The following MSRA variants were observed in gnomAD, a reference collection of about 807,000 sequenced individuals.
MSRA encodes mitochondrial peptide methionine sulfoxide reductase.
In MSRA, 54 loss-of-function variants were observed where a neutral mutation model predicts 31.3. The ratio of observed to expected loss-of-function variants is 1.73; its 90% CI spans 1.39 to 2.17. The LOEUF is 2.17. Among genes scored for constraint, MSRA ranks in the 30% most tolerant of loss-of-function variants. The pLI is 0.00. For missense variants in MSRA, 507 were observed against 300.9 expected, an observed-to-expected ratio of 1.69 and a Z score of -5.07; for synonymous variants, 169 against 116.5, an observed-to-expected ratio of 1.45 and a Z score of -2.90.
intron 2 of MSRA, among the ~76,000 whole-genome samples, chr8:10,224,882 G>A (rs576076155): frequency 1.3e-5 from 2 of 152,250 alleles, no homozygotes; most frequent in South Asian, 2.1e-4. Flanking sequence ...CGGGCGCAGT[G>A]GGCTCACACC....
chr8:10,185,845 C>G (rs11787363), intron 1 of MSRA, among the ~76,000 whole-genome samples: 1 of 151,916 alleles, frequency 6.6e-6, no homozygotes, highest in Non-Finnish European at 1.5e-5. Flanking sequence ...GTGTGAATCA[C>G]CCCTTATGAT....
Position 10,207,851 on chromosome 8 carries a change from G to A in MSRA, c.161G>A (p.Gly54Asp), listed in dbSNP as rs748474567. Residue 54 changes from glycine (G) to aspartate (D), a missense_variant, in exon 2 of 6, where the codon GGC becomes GAC. Physicochemically the swap from Gly to Asp is moderately conservative, Grantham distance 94. Coordinates refer to ENST00000317173, the MANE Select transcript of MSRA (RefSeq NM_012331.5). ...TPVAAKHHVN[G>D]NRTVEPFPEG... ...TTTCTAGCCAAACATCATGTCAATG[G>A]CAACAGAACAGTCGAACCTTTCCCA... is the stretch of plus-strand genomic sequence containing the variant. The A allele has an allele frequency of 1.2e-6, 2 of 1,610,528 alleles. No homozygotes were observed. The highest frequency in any genetic ancestry group is 2.7e-5 in the African/African-American group (2 of 74,566).
At chr8:10,285,122 G>A (rs182508989) in intron 3 of MSRA, among the ~76,000 whole-genome samples, 4 of 151,010 alleles carry the variant, frequency 2.6e-5, no homozygotes, top group African/African-American at 7.3e-5. Context: ...CATTCCCTTC[G>A]TCGTGCAGTC....
intron 2 of MSRA, among the ~76,000 whole-genome samples, chr8:10,242,014 G>C (rs1347253099): frequency 6.6e-6 from 1 of 152,212 alleles, no homozygotes; most frequent in African/African-American, 2.4e-5. Context: ...GCTCACGCCT[G>C]TAATCCCAGC....
intron 1 of MSRA, among the ~76,000 whole-genome samples, chr8:10,076,781 C>A (rs528291115): frequency 1.1e-4 from 16 of 152,158 alleles, no homozygotes; most frequent in African/African-American, 3.1e-4. Context: ...GTGTCTCCAC[C>A]CAGCTCCGAT....
At chr8:10,061,532 C>G (rs1381449054) in intron 1 of MSRA, among the ~76,000 whole-genome samples, 2 of 152,144 alleles carry the variant, frequency 1.3e-5, no homozygotes, top group Admixed American at 1.3e-4. Context: ...GGAACTCGCA[C>G]AATCTGTCTC....
At chr8:10,315,238 GA>G (rs1801646104) in intron 4 of MSRA, among the ~76,000 whole-genome samples, 1 of 152,190 alleles carries the variant, frequency 6.6e-6, no homozygotes, top group South Asian at 2.1e-4. Context: ...TGAGATTTGG[GA>G]GGGGACACAG....
intron 2 of MSRA, among the ~76,000 whole-genome samples, chr8:10,208,954 C>G (rs1027102920): frequency 1.3e-5 from 2 of 152,206 alleles, no homozygotes; most frequent in Non-Finnish European, 2.9e-5. Context: ...AGATTGTTCC[C>G]TTATTCCCAG....
chr8:10,228,027 C>G (rs940223903), intron 2 of MSRA, among the ~76,000 whole-genome samples: 1 of 152,218 alleles, frequency 6.6e-6, no homozygotes, highest in Admixed American at 6.5e-5. Context: ...CTCCCCTGCT[C>G]TCTTCTTTGC....
At chr8:10,260,290 A>G (rs1798405905) in intron 3 of MSRA, among the ~76,000 whole-genome samples, 1 of 152,150 alleles carries the variant, frequency 6.6e-6, no homozygotes, top group Non-Finnish European at 1.5e-5. Flanking sequence ...GCTGTTTAAT[A>G]CCACCACGCC....
At chr8:10,242,901 G>A (rs577889619) in intron 2 of MSRA, among the ~76,000 whole-genome samples, 2 of 152,222 alleles carry the variant, frequency 1.3e-5, no homozygotes, top group Non-Finnish European at 2.9e-5. Context: ...TCCCTGAGAC[G>A]CTGTTTCAGC....
At chr8:10,074,406 T>C (rs574384379) in intron 1 of MSRA, among the ~76,000 whole-genome samples, 3 of 152,026 alleles carry the variant, frequency 2.0e-5, no homozygotes, top group Non-Finnish European at 4.4e-5. Flanking sequence ...TTAAAATGTT[T>C]AGCTTTGAAA....
chr8:10,081,901 C>G (rs931162695), intron 1 of MSRA, among the ~76,000 whole-genome samples: 2 of 152,186 alleles, frequency 1.3e-5, no homozygotes, highest in Non-Finnish European at 2.9e-5. Flanking sequence ...ACTCTTGTCT[C>G]ATTTTCTATC....
intron 5 of MSRA, among the ~76,000 whole-genome samples, chr8:10,368,547 G>A (rs914351347): frequency 3.9e-5 from 6 of 152,214 alleles, no homozygotes; most frequent in Admixed American, 6.5e-5. Context: ...CCGGAGTGGG[G>A]TGGTCCCAGT....
rs1436747223 is a variant in MSRA at position 10,389,197 on chromosome 8, C to T, written c.544-38951C>T. Among the ~76,000 whole-genome samples the T allele has an allele frequency of 2.6e-5, 4 of 152,214 alleles. No homozygotes were observed. In the East Asian group the frequency reaches 7.7e-4, roughly 29 times the overall value. ...TCAGTGTTTCTCTGTGGAAAAGGACCCTGGCATTTGTATTTTTGAAAGTTT... is the reference window on the plus strand; with the variant it reads ...TCAGTGTTTCTCTGTGGAAAAGGACTCTGGCATTTGTATTTTTGAAAGTTT... On this transcript the variant is annotated intron_variant, in intron 5 of 5. Transcript: ENST00000317173.
intron 1 of MSRA, among the ~76,000 whole-genome samples, chr8:10,160,550 C>T (rs1804546380): frequency 6.6e-6 from 1 of 152,030 alleles, no homozygotes; most frequent in Non-Finnish European, 1.5e-5. Context: ...CATGACACGT[C>T]CTTAAAACAG....
intron 5 of MSRA, among the ~76,000 whole-genome samples, chr8:10,387,083 A>G (rs35406700): frequency 0.31 from 46,818 of 151,968 alleles, 7,839 homozygotes; most frequent in Non-Finnish European, 0.38. Context: ...CTCCAGAGGC[A>G]GCTGCTGCTG....
chr8:10,275,204 C>T (rs1799260268), intron 3 of MSRA, among the ~76,000 whole-genome samples: 1 of 152,078 alleles, frequency 6.6e-6, no homozygotes, highest in African/African-American at 2.4e-5. Context: ...CCACATATGA[C>T]CAAAGCATTG....
chr8:10,201,726 C>T (rs1002757019), intron 1 of MSRA, among the ~76,000 whole-genome samples: 10 of 152,236 alleles, frequency 6.6e-5, no homozygotes, highest in African/African-American at 1.2e-4. Flanking sequence ...CATGTCCCCC[C>T]GATCCCCTTC....
Sources: allele counts gnomAD v4.1 joint callset (sites outside exome capture counted in the v4.1 genomes callset), GRCh38; gene constraint gnomAD v4.1.1; transcripts MANE v1.5; gene names NCBI Gene and HGNC (gene_info 2026-07-23, HGNC 2026-07-21).